Variants in SH3BP4 observed in about 807,000 individuals in gnomAD.
The protein encoded by SH3BP4 is SH3 domain binding protein 4, also known as SH3 domain-binding protein 4.
SH3BP4 carries 33 observed loss-of-function variants against 65.5 expected under a neutral mutation model. The observed-to-expected ratio is 0.50, with a 90% CI of 0.38 to 0.67. SH3BP4 has a LOEUF of 0.67. Among genes scored for constraint, SH3BP4 ranks in the 30% least tolerant of loss-of-function variants. The pLI, the probability that SH3BP4 is intolerant of heterozygous loss-of-function variation, is 0.00. For synonymous variants in SH3BP4, 552 were observed against 545.5 expected (o/e 1.01, Z -0.17); for missense variants, 1,134 against 1,261.4 (o/e 0.90, Z 1.53).
In SH3BP4 at chr2:235,043,116, C is replaced by T. The variant is rs1695731697; in HGVS notation, c.2347C>T (p.Leu783Phe). Residue 783 changes from leucine to phenylalanine, a missense_variant, in exon 4 of 6, where the codon CTC becomes TTC. Physicochemically the swap from Leu to Phe is conservative, Grantham distance 22. Transcript: ENST00000392011. ...ADALGYVNLP[L>F]TFFCRAELDS... Reference sequence around the variant, plus strand: ...CGCCCTGGGCTACGTGAACCTGCCGCTCACCTTTTTCTGCCGGGCAGAGCT... The same window carrying T: ...CGCCCTGGGCTACGTGAACCTGCCGTTCACCTTTTTCTGCCGGGCAGAGCT... The T allele has an allele frequency of 1.2e-6, 2 of 1,613,792 alleles. No homozygotes were observed. Among genetic ancestry groups the T allele is most frequent in the Non-Finnish European group, 1.7e-6 (2 of 1,180,002 alleles).
At chr2:235,044,906 A>G (rs1230442309) in intron 4 of SH3BP4, among the ~76,000 whole-genome samples, 1 of 152,174 alleles carries the variant, frequency 6.6e-6, no homozygotes, top group East Asian at 1.9e-4. Context: ...GGGAGATGGA[A>G]CTGGAAGCGG....
intron 1 of SH3BP4, among the ~76,000 whole-genome samples, chr2:234,989,999 A>C (rs908858408): frequency 1.3e-5 from 2 of 152,260 alleles, no homozygotes; most frequent in African/African-American, 2.4e-5. Context: ...GACAGGTTGC[A>C]GTCAAAACTC....
intron 2 of SH3BP4, among the ~76,000 whole-genome samples, chr2:235,005,355 G>A (rs946959344): frequency 6.6e-6 from 1 of 151,818 alleles, no homozygotes; most frequent in Non-Finnish European, 1.5e-5. Context: ...GGAGCCCCTC[G>A]CCTGGGGCTC....
intron 1 of SH3BP4, among the ~76,000 whole-genome samples, chr2:234,980,354 T>A (rs193301943): frequency 1.3e-5 from 2 of 152,222 alleles, no homozygotes; most frequent in African/African-American, 2.4e-5. Context: ...AGCACTATAT[T>A]GTAATAAAAG....
intron 4 of SH3BP4, among the ~76,000 whole-genome samples, chr2:235,049,797 C>T (rs1049376925): frequency 3.3e-5 from 5 of 152,262 alleles, no homozygotes; most frequent in East Asian, 3.9e-4. Context: ...TTGGGAAGGC[C>T]GCTGGCCGAG....
At chr2:235,020,033 G>A (rs538039148) in intron 2 of SH3BP4, among the ~76,000 whole-genome samples, 5 of 152,268 alleles carry the variant, frequency 3.3e-5, no homozygotes, top group East Asian at 1.9e-4. Context: ...GAGAGCCACC[G>A]AATCTAGGAA....
chr2:235,002,296 A>C (rs1694127987), intron 2 of SH3BP4, among the ~76,000 whole-genome samples: 1 of 152,212 alleles, frequency 6.6e-6, no homozygotes, highest in Non-Finnish European at 1.5e-5. Context: ...TAAATTGTGC[A>C]CAGTGGTTTA....
chr2:235,017,762 A>G (rs1419912867), intron 2 of SH3BP4, among the ~76,000 whole-genome samples: 1 of 152,202 alleles, frequency 6.6e-6, no homozygotes, highest in Admixed American at 6.5e-5. Flanking sequence ...TGTTATCAGC[A>G]TTAAAATCCC....
At position 235,030,445 on chromosome 2, in the gene SH3BP4, C is replaced by T. The variant is rs141436454; in HGVS notation, c.-132-4426C>T. The stretch of plus-strand genomic sequence containing the variant: ...ACCTGCTGCCTAGGGCCCTTGAGGA[C>T]GCAGTGGGATGGTGCCTGGTGGAGC... On this transcript the variant is annotated intron_variant, in intron 2 of 5. Transcript: ENST00000392011. This position sits in a 1 kb window ranked among gnomAD's most constrained non-coding sequence, Gnocchi z 4.1. 6.0e-4 allele frequency among the ~76,000 whole-genome samples: 92 copies of T among 152,292 alleles called. No individual in the cohort carries two copies. Among genetic ancestry groups the T allele is most frequent in the African/African-American group, 2.0e-3 (82 of 41,568 alleles).
intron 2 of SH3BP4, among the ~76,000 whole-genome samples, chr2:235,005,185 G>C (rs1694255340): frequency 6.6e-6 from 1 of 152,192 alleles, no homozygotes. Context: ...GCTGTGGAAA[G>C]GCAGCTTCCT....
At position 234,974,362 on chromosome 2, in the gene SH3BP4, TA is replaced by T. The variant is rs901237442; in HGVS notation, c.-206-20932del. 1.3e-5 allele frequency among the ~76,000 whole-genome samples: 2 copies of T among 149,924 alleles called. No homozygotes were observed. The highest frequency in any genetic ancestry group is 6.6e-5 in the Admixed American group (1 of 15,056). ...CCTGGGCAAAGAGCGAAACTCTGTC[TA>T]AAAAAAAATAAATAAATAAAAGAGA... On this transcript the variant is annotated intron_variant, in intron 1 of 5. Transcript: ENST00000392011. The surrounding 1 kb of genome is among the most constrained non-coding windows in gnomAD (Gnocchi z 4.6).
At chr2:235,050,208 C>T (rs1464508382) in intron 4 of SH3BP4, among the ~76,000 whole-genome samples, 4 of 152,180 alleles carry the variant, frequency 2.6e-5, no homozygotes, top group East Asian at 1.9e-4. Flanking sequence ...CTCCGCCTCC[C>T]GGGTTCACGC....
rs997185715 is a variant in SH3BP4 at position 235,034,235 on chromosome 2, A to G, written c.-132-636A>G. The stretch of plus-strand genomic sequence containing the variant: ...ACGGAAAGATCTTTCCTGCTTAGTA[A>G]CAGTGGTTCAGTAAATATGCCCTGG... On this transcript the variant is annotated intron_variant, in intron 2 of 5. Transcript: ENST00000392011. The surrounding 1 kb of genome is among the most constrained non-coding windows in gnomAD (Gnocchi z 6.2). Among the ~76,000 whole-genome samples, 1 of 152,146 alleles carries G rather than the reference A, an allele frequency of 6.6e-6. No homozygotes were observed. The highest frequency in any genetic ancestry group is 1.5e-5 in the Non-Finnish European group (1 of 68,034).
At position 235,036,740 on chromosome 2, in the gene SH3BP4, A is replaced by AAAAAAAAAAAAAAAAAT. The variant is rs146049108; in HGVS notation, c.118+1622_118+1623insAAAAAAAAAAAAAATAA. Among the ~76,000 whole-genome samples the AAAAAAAAAAAAAAAAAT allele has an allele frequency of 1.4e-3, 201 of 141,762 alleles. 2 individuals are homozygous for AAAAAAAAAAAAAAAAAT. The highest frequency in any genetic ancestry group is 5.1e-3 in the African/African-American group (188 of 37,054). The allele number at this position is 141,762 out of a possible 152,430, so 93.0% of individuals were successfully genotyped here. ...ACTGCACTCTGAGACTCTATATAAA[A>AAAAAAAAAAAAAAAAAT]AATAATAATAATAATAATGACAGTG... is the stretch of plus-strand genomic sequence containing the variant. On this transcript the variant is annotated intron_variant, in intron 3 of 5. Coordinates refer to ENST00000392011, the MANE Select transcript of SH3BP4 (RefSeq NM_014521.3).
rs570564190 is a variant in SH3BP4, at chr2:234,983,679, T to G, written c.-206-11624T>G. On this transcript the variant is annotated intron_variant, in intron 1 of 5. Coordinates refer to ENST00000392011, the MANE Select transcript of SH3BP4 (RefSeq NM_014521.3). ...GGATTACCCAGATGGACCCTAAATG[T>G]TATCACGGGTCTTTTAAGAGGGAAA... 3.3e-5 allele frequency among the ~76,000 whole-genome samples: 5 copies of G among 152,304 alleles called. No homozygotes were observed. The East Asian group carries it at 9.6e-4, about 29-fold the overall frequency.
chr2:234,970,197 C>T (rs1335540374), intron 1 of SH3BP4, among the ~76,000 whole-genome samples: 2 of 152,150 alleles, frequency 1.3e-5, no homozygotes, highest in African/African-American at 2.4e-5. Context: ...TAGTTGTAGC[C>T]GTATTGGTCA....
intron 1 of SH3BP4, among the ~76,000 whole-genome samples, chr2:234,975,300 G>C (rs1420429533): frequency 4.8e-4 from 73 of 152,218 alleles, no homozygotes; most frequent in Non-Finnish European, 2.9e-5. Flanking sequence ...AGCTGCTGCT[G>C]TTCTCCCTAT....
chr2:235,035,830 A>C lies in SH3BP4; in HGVS notation c.118+710A>C, dbSNP rs199501208. The stretch of plus-strand genomic sequence containing the variant: ...TACTAGCAGGTCATTTTCTTCCTGC[A>C]CATCTGCCCTAACCTAGGCCACGTT... On this transcript the variant is annotated intron_variant, in intron 3 of 5. Coordinates refer to ENST00000392011, the MANE Select transcript of SH3BP4 (RefSeq NM_014521.3). The surrounding 1 kb of genome is among the most constrained non-coding windows in gnomAD (Gnocchi z 5.0). Among the ~76,000 whole-genome samples the C allele has an allele frequency of 8.5e-5, 13 of 152,346 alleles. No individual in the cohort carries two copies. The East Asian group carries it at 2.3e-3, about 27-fold the overall frequency.
At chr2:235,021,567 C>G (rs1417699366) in intron 2 of SH3BP4, among the ~76,000 whole-genome samples, 1 of 144,986 alleles carries the variant, frequency 6.9e-6, no homozygotes, top group Non-Finnish European at 1.5e-5. Flanking sequence ...TGCAGTGAGC[C>G]AAGATCATGC....
Sources: allele counts gnomAD v4.1 joint callset (sites outside exome capture counted in the v4.1 genomes callset), GRCh38; gene constraint gnomAD v4.1.1; non-coding constraint Gnocchi (gnomAD v3.1); transcripts MANE v1.5; gene names NCBI Gene and HGNC (gene_info 2026-07-23, HGNC 2026-07-21).